Variants in ERC1 observed in about 807,000 individuals in gnomAD.
The protein encoded by ERC1 is RAB6 interacting protein 2.
ERC1 carries 56 observed loss-of-function variants against 132.0 expected under a neutral mutation model. That is an observed-to-expected ratio of 0.42 (90% CI 0.34 to 0.53). The LOEUF (loss-of-function observed/expected upper bound fraction) is 0.53, where lower values mean the gene tolerates loss of function less well. Ranked by LOEUF, ERC1 falls within the 20% of genes least tolerant of loss-of-function variation. The pLI, the probability that ERC1 is intolerant of heterozygous loss-of-function variation, is 0.03. For synonymous variants in ERC1, 478 were observed against 476.1 expected, an observed-to-expected ratio of 1.00 and a Z score of -0.05; for missense variants, 1,202 against 1,349.9, an observed-to-expected ratio of 0.89 and a Z score of 1.72.
intron 15 of ERC1, among the ~76,000 whole-genome samples, chr12:1,325,840 A>G (rs555374432): frequency 4.0e-4 from 61 of 152,150 alleles, no homozygotes; most frequent in African/African-American, 1.4e-3. Flanking sequence ...TTGTCTATTC[A>G]TTCCTTTTTG....
In ERC1 at chr12:1,436,434, A is replaced by G. The variant is rs145338163; in HGVS notation, c.3025-8128A>G. Among the ~76,000 whole-genome samples, 732 of 152,234 alleles carry G rather than the reference A, an allele frequency of 4.8e-3. 10 individuals carry two copies. The highest frequency in any genetic ancestry group is 0.017 in the African/African-American group (690 of 41,522). ...ATTATGTTGTTCCTTGTTTGTTGAG[A>G]TGCTATCAAGGTCAGGAGGTCCCTT... On this transcript the variant is annotated intron_variant, in intron 17 of 18. Transcript: ENST00000360905.
intron 18 of ERC1, among the ~76,000 whole-genome samples, chr12:1,472,411 A>C (rs2093880997): frequency 6.6e-6 from 1 of 152,160 alleles, no homozygotes; most frequent in African/African-American, 2.4e-5. Flanking sequence ...CACTTTGGGA[A>C]GCCAAGGTGG....
intron 12 of ERC1, among the ~76,000 whole-genome samples, chr12:1,192,874 C>T (rs771470162): frequency 1.6e-4 from 25 of 152,146 alleles, no homozygotes; most frequent in African/African-American, 3.9e-4. Flanking sequence ...AGTCTGTGTT[C>T]GTTCTGGTAA....
intron 15 of ERC1, among the ~76,000 whole-genome samples, chr12:1,339,868 G>C (rs2083664712): frequency 6.6e-6 from 1 of 152,170 alleles, no homozygotes; most frequent in South Asian, 2.1e-4. Context: ...GGCTGGTTCT[G>C]TGCTCACCAA....
rs1399068019 is a variant in ERC1, at chr12:1,491,634, T to G, written c.*1404T>G. 3 of 229,818 alleles carry G rather than the reference T, an allele frequency of 1.3e-5. No individual in the cohort carries two copies. In the Admixed American group the frequency reaches 1.7e-4, roughly 13 times the overall value. The allele number at this position is 229,818 out of a possible 1,614,324, so 14.2% of individuals were successfully genotyped here. Reference sequence around the variant, plus strand: ...ACCCGCTTGCCTGTAGGATTCCATTTGATGATTCTGGATTTTTGCTGTTTG... The same window carrying G: ...ACCCGCTTGCCTGTAGGATTCCATTGGATGATTCTGGATTTTTGCTGTTTG... On this transcript the variant is annotated 3_prime_UTR_variant, in exon 19 of 19. Transcript: ENST00000360905.
At chr12:1,465,622 T>C (rs2093727403) in intron 18 of ERC1, among the ~76,000 whole-genome samples, 2 of 152,202 alleles carry the variant, frequency 1.3e-5, no homozygotes, top group Non-Finnish European at 2.9e-5. Flanking sequence ...CCCTGAAATA[T>C]GAACCATCTC....
intron 18 of ERC1, among the ~76,000 whole-genome samples, chr12:1,483,619 A>G (rs1040796622): frequency 6.7e-6 from 1 of 148,572 alleles, no homozygotes; most frequent in African/African-American, 2.4e-5. Context: ...AACAGTACAG[A>G]AGTATGTAAA....
At chr12:1,277,235 C>T (rs1156796052) in intron 14 of ERC1, among the ~76,000 whole-genome samples, 5 of 152,196 alleles carry the variant, frequency 3.3e-5, no homozygotes, top group East Asian at 1.9e-4. Flanking sequence ...GCCTTCCACT[C>T]GGAAGTACCA....
At chr12:1,328,929 C>G (rs1200174034) in intron 15 of ERC1, among the ~76,000 whole-genome samples, 1 of 117,122 alleles carries the variant, frequency 8.5e-6, no homozygotes, top group Non-Finnish European at 1.7e-5. Context: ...CTTTTTCATT[C>G]TTGGAACTTT....
At chr12:1,265,460 G>GA (rs754802035) in intron 14 of ERC1, among the ~76,000 whole-genome samples, 42 of 152,286 alleles carry the variant, frequency 2.8e-4, no homozygotes, top group Admixed American at 7.8e-4. Flanking sequence ...AAATTGAGCA[G>GA]AAAGTGCAAA....
Position 1,341,069 on chromosome 12 carries a change from C to CTTTTTTTTTTTTTTTTTTTTTTTT in ERC1, c.2781-30745_2781-30722dup, listed in dbSNP as rs35902573. 1.5e-3 allele frequency among the ~76,000 whole-genome samples: 93 copies of CTTTTTTTTTTTTTTTTTTTTTTTT among 63,150 alleles called. 24 individuals carry two copies. The highest frequency in any genetic ancestry group is 8.1e-3 in the Middle Eastern group (1 of 124). The allele number at this position is 63,150 out of a possible 152,430, so 41.4% of individuals were successfully genotyped here. On this transcript the variant is annotated intron_variant, in intron 15 of 18. Transcript: ENST00000360905. ...AATGTCCACTTATTCTTTTCTTTTT[C>CTTTTTTTTTTTTTTTTTTTTTTTT]TTTTTTTTTTTTTTTTTTTTTTTTT...
intron 12 of ERC1, among the ~76,000 whole-genome samples, chr12:1,193,149 G>A (rs1955894479): frequency 6.6e-6 from 1 of 152,072 alleles, no homozygotes; most frequent in African/African-American, 2.4e-5. Context: ...TATTATGAAG[G>A]ATTCCCAGGC....
intron 15 of ERC1, among the ~76,000 whole-genome samples, chr12:1,316,925 C>T (rs1270993502): frequency 2.6e-5 from 4 of 152,016 alleles, no homozygotes; most frequent in African/African-American, 7.2e-5. Context: ...TTTGGGAGGC[C>T]GAGGCGGGTG....
chr12:1,219,304 G>T (rs1303934669), intron 12 of ERC1, among the ~76,000 whole-genome samples: 2 of 152,154 alleles, frequency 1.3e-5, no homozygotes, highest in Non-Finnish European at 2.9e-5. Context: ...ATCAAATTTA[G>T]TTTTACTCAG....
chr12:1,252,213 C>A (rs937825084), intron 13 of ERC1, among the ~76,000 whole-genome samples: 1 of 152,078 alleles, frequency 6.6e-6, no homozygotes, highest in African/African-American at 2.4e-5. Context: ...CCTTATTATG[C>A]CACTGAATGC....
In ERC1 at chr12:1,492,936, T is replaced by C. The variant is rs2094329719; in HGVS notation, c.*2706T>C. Reference sequence around the variant, plus strand: ...GCATACAACTGCTACTGAAGTTATATAGCCTTGAAAACTCAGTGCAGGTTG... The same window carrying C: ...GCATACAACTGCTACTGAAGTTATACAGCCTTGAAAACTCAGTGCAGGTTG... On this transcript the variant is annotated 3_prime_UTR_variant, in exon 19 of 19. Coordinates refer to ENST00000360905, the MANE Select transcript of ERC1 (RefSeq NM_178040.4). The C allele has an allele frequency of 4.4e-6, 1 of 227,642 alleles. No homozygotes were observed. The highest frequency in any genetic ancestry group is 6.3e-5 in the East Asian group (1 of 15,940). The allele number at this position is 227,642 out of a possible 1,614,324, so 14.1% of individuals were successfully genotyped here.
chr12:1,248,367 C>G (rs184449163), intron 13 of ERC1, among the ~76,000 whole-genome samples: 10 of 151,974 alleles, frequency 6.6e-5, no homozygotes, highest in Non-Finnish European at 1.3e-4. Context: ...GTAAGTACTA[C>G]AAAGAAATAA....
At chr12:1,403,563 T>C (rs2091247231) in intron 16 of ERC1, among the ~76,000 whole-genome samples, 1 of 152,216 alleles carries the variant, frequency 6.6e-6, no homozygotes, top group African/African-American at 2.4e-5. Flanking sequence ...ACTTTGATCA[T>C]CTTCGTGTCT....
At chr12:1,401,126 G>A (rs903764502) in intron 16 of ERC1, among the ~76,000 whole-genome samples, 18 of 149,324 alleles carry the variant, frequency 1.2e-4, no homozygotes, top group African/African-American at 2.6e-4. Context: ...TAGTAGAGAC[G>A]GGGTTTCACG....
Sources: allele counts gnomAD v4.1 joint callset (sites outside exome capture counted in the v4.1 genomes callset), GRCh38; gene constraint gnomAD v4.1.1; transcripts MANE v1.5; gene names NCBI Gene and HGNC (gene_info 2026-07-23, HGNC 2026-07-21).